Variants in ROR1 observed in about 807,000 individuals in gnomAD.
ROR1 encodes the protein ROR family WNT receptor 1, also known as inactive tyrosine-protein kinase transmembrane receptor ROR1.
A neutral mutation model predicts 78.8 loss-of-function variants in ROR1; 19 were observed. That is an observed-to-expected ratio of 0.24 (90% CI 0.17 to 0.35). ROR1 has a LOEUF of 0.35. Ranked by LOEUF, ROR1 falls within the 10% of genes least tolerant of loss-of-function variation. The pLI is 1.00. For missense variants in ROR1, 917 were observed against 1,177.8 expected (o/e 0.78, Z 3.24); for synonymous variants, 386 against 433.6 (o/e 0.89, Z 1.36).
intron 1 of ROR1, among the ~76,000 whole-genome samples, chr1:63,996,279 G>A (rs1345151658): frequency 6.6e-6 from 1 of 152,158 alleles, no homozygotes; most frequent in Non-Finnish European, 1.5e-5. Flanking sequence ...TTTCAGAAGA[G>A]GGAGAAATTA....
At chr1:63,912,352 G>T (rs1358344187) in intron 1 of ROR1, among the ~76,000 whole-genome samples, 1 of 151,650 alleles carries the variant, frequency 6.6e-6, no homozygotes, top group African/African-American at 2.4e-5. Flanking sequence ...TACTCTCAGG[G>T]TTTCATACTC....
In ROR1 at chr1:64,158,950, A is replaced by G. The variant is rs1019925810; in HGVS notation, c.1175-31A>G. ...TTATGCATGTTACTTTAAAGAGTAT[A>G]ACTTTTGCTCTTTTTCATTTCTGCA... On this transcript the variant is annotated intron_variant, in intron 7 of 8. Transcript: ENST00000371079. 8.5e-6 allele frequency: 13 copies of G among 1,523,654 alleles called. No individual in the cohort carries two copies. The Admixed American group carries it at 1.5e-4, about 18-fold the overall frequency. 94.4% of individuals were successfully genotyped at this position (1,523,654 alleles called of 1,614,324 possible). A position where few individuals can be genotyped will look rare whatever the true frequency, so the allele number is the denominator to read the frequency against.
chr1:63,784,777 C>CAGTG (rs1644673882), intron 1 of ROR1, among the ~76,000 whole-genome samples: 1 of 152,330 alleles, frequency 6.6e-6, no homozygotes, highest in South Asian at 2.1e-4. Flanking sequence ...GTGTTTGGCA[C>CAGTG]AGTGCCTGGG....
chr1:64,100,713 G>A (rs2806541), intron 4 of ROR1, among the ~76,000 whole-genome samples: 58,676 of 152,062 alleles, frequency 0.39, 12,716 homozygotes, highest in Non-Finnish European at 0.5. Context: ...CCTACACATA[G>A]CTGAGTCGTA....
At chr1:64,027,859 T>C (rs1646627006) in intron 2 of ROR1, among the ~76,000 whole-genome samples, 2 of 152,116 alleles carry the variant, frequency 1.3e-5, no homozygotes, top group African/African-American at 2.4e-5. Context: ...AGCTAATTTT[T>C]GTATTTTTAG....
chr1:63,932,740 C>CTCCTTT (rs1378493800), intron 1 of ROR1, among the ~76,000 whole-genome samples: 1 of 152,192 alleles, frequency 6.6e-6, no homozygotes, highest in East Asian at 1.9e-4. Flanking sequence ...CAGTAAGTGA[C>CTCCTTT]AGAGGCAGGA....
intron 1 of ROR1, among the ~76,000 whole-genome samples, chr1:63,784,731 G>T (rs533227356): frequency 1.3e-5 from 2 of 152,300 alleles, no homozygotes; most frequent in South Asian, 4.1e-4. Context: ...AGCCATAATG[G>T]TGCCTACCAT....
chr1:64,085,702 C>T (rs1647146945), intron 4 of ROR1, among the ~76,000 whole-genome samples: 1 of 152,122 alleles, frequency 6.6e-6, no homozygotes, highest in Admixed American at 6.5e-5. Flanking sequence ...GCAAAGACAG[C>T]TGCAGTGCAC....
intron 1 of ROR1, among the ~76,000 whole-genome samples, chr1:63,987,204 A>G (rs1215371859): frequency 2.6e-5 from 4 of 152,216 alleles, no homozygotes; most frequent in African/African-American, 9.6e-5. Context: ...TGACTCAGCC[A>G]TAGTTTTGCT....
At chr1:63,801,606 A>AT (rs1488382529) in intron 1 of ROR1, among the ~76,000 whole-genome samples, 1 of 152,064 alleles carries the variant, frequency 6.6e-6, no homozygotes, top group Non-Finnish European at 1.5e-5. Context: ...GGTATCATGT[A>AT]TTTTTTAAAC....
intron 1 of ROR1, among the ~76,000 whole-genome samples, chr1:63,890,612 T>A (rs770536203): frequency 6.6e-6 from 1 of 151,944 alleles, no homozygotes; most frequent in Admixed American, 6.6e-5. Flanking sequence ...AAGATTTATC[T>A]TGGGTGATGA....
chr1:63,944,338 A>G (rs942321489), intron 1 of ROR1, among the ~76,000 whole-genome samples: 2 of 152,254 alleles, frequency 1.3e-5, no homozygotes, highest in African/African-American at 4.8e-5. Flanking sequence ...GGAAGAAGAA[A>G]AAAAAGAATC....
At chr1:63,833,990 C>CTTTTTTTTTTTT (rs71056008) in intron 1 of ROR1, among the ~76,000 whole-genome samples, 1 of 132,020 alleles carries the variant, frequency 7.6e-6, no homozygotes, top group African/African-American at 2.8e-5. Flanking sequence ...TCTTCTTCTT[C>CTTTTTTTTTTTT]TTTTTTTTTT....
intron 8 of ROR1, among the ~76,000 whole-genome samples, chr1:64,172,674 A>C (rs1275539830): frequency 6.6e-6 from 1 of 152,194 alleles, no homozygotes; most frequent in Non-Finnish European, 1.5e-5. Flanking sequence ...CATTTTGTAC[A>C]TCCCTGTATG....
At chr1:64,001,116 A>G (rs1214285846) in intron 1 of ROR1, among the ~76,000 whole-genome samples, 2 of 152,226 alleles carry the variant, frequency 1.3e-5, no homozygotes, top group Non-Finnish European at 2.9e-5. Flanking sequence ...TGGTTAAACA[A>G]AATGTGGCAT....
chr1:64,072,974 A>G (rs11585304), intron 4 of ROR1, among the ~76,000 whole-genome samples: 17,871 of 152,200 alleles, frequency 0.12, 1,244 homozygotes, highest in African/African-American at 0.2. Flanking sequence ...TGATGAAAAA[A>G]CAAGATAAAT....
intron 1 of ROR1, among the ~76,000 whole-genome samples, chr1:63,863,804 T>TTGTATTGTATTGTATTGTATTG (rs1273822103): frequency 1.7e-5 from 2 of 120,934 alleles, no homozygotes; most frequent in African/African-American, 4.0e-5. Flanking sequence ...TTGTATTGTA[T>TTGTATTGTATTGTATTGTATTG]CATAGATGGC....
intron 4 of ROR1, among the ~76,000 whole-genome samples, chr1:64,087,604 A>G (rs1647164958): frequency 1.3e-5 from 2 of 152,190 alleles, no homozygotes; most frequent in South Asian, 4.1e-4. Context: ...ACAGAAGTGT[A>G]TTTATTATTG....
Position 63,796,208 on chromosome 1 carries a change from G to A in ROR1, c.91+21700G>A, listed in dbSNP as rs1194765109. The stretch of plus-strand genomic sequence containing the variant: ...ATCAGGGCATAGCAGAAAGAGCTCT[G>A]GACTGAAAGTCAATAAACTTGAGTT... On this transcript the variant is annotated intron_variant, in intron 1 of 8. Transcript: ENST00000371079. 2.6e-5 allele frequency among the ~76,000 whole-genome samples: 4 copies of A among 151,980 alleles called. No homozygotes were observed. In the East Asian group the frequency reaches 7.7e-4, roughly 29 times the overall value.
Sources: allele counts gnomAD v4.1 joint callset (sites outside exome capture counted in the v4.1 genomes callset), GRCh38; gene constraint gnomAD v4.1.1; transcripts MANE v1.5; gene names NCBI Gene and HGNC (gene_info 2026-07-23, HGNC 2026-07-21).